The following LEF1 variants were observed in gnomAD, a reference collection of about 807,000 sequenced individuals.
The protein encoded by LEF1 is lymphoid enhancer-binding factor 1.
Under a neutral mutation model 51.2 loss-of-function variants are expected in LEF1, and 14 were observed. The observed-to-expected ratio is 0.27, with a 90% CI of 0.18 to 0.43. The LOEUF (loss-of-function observed/expected upper bound fraction) is 0.43. Ranked by LOEUF, LEF1 falls within the 20% of genes least tolerant of loss-of-function variation. LEF1 has a pLI of 1.00. For synonymous variants in LEF1, 185 were observed against 183.2 expected (o/e 1.01, Z -0.08); for missense variants, 386 against 512.0 (o/e 0.75, Z 2.37).
chr4:108,146,851 T>A (rs1744024560), intron 3 of LEF1, among the ~76,000 whole-genome samples: 1 of 152,168 alleles, frequency 6.6e-6, no homozygotes, highest in Admixed American at 6.5e-5. Context: ...TGCAAGTGTG[T>A]TTTCTTTGAG....
At chr4:108,136,563 T>C (rs996627670) in intron 3 of LEF1, among the ~76,000 whole-genome samples, 1 of 151,198 alleles carries the variant, frequency 6.6e-6, no homozygotes, top group African/African-American at 2.4e-5. Flanking sequence ...AGTTCAGCAA[T>C]ACATATGATC....
chr4:108,165,200 ATC>A (rs746862339), intron 1 of LEF1, 37 bp from the exon 2 acceptor site: 1 of 1,589,006 alleles, frequency 6.3e-7, no homozygotes, highest in Non-Finnish European at 8.6e-7. Flanking sequence ...AAGAAAGAAA[ATC>A]ACCTTAGAGT....
intron 3 of LEF1, among the ~76,000 whole-genome samples, chr4:108,117,749 G>A (rs1198133093): frequency 6.6e-6 from 1 of 152,164 alleles, no homozygotes; most frequent in African/African-American, 2.4e-5. Context: ...GATCAGGGTG[G>A]GCGTGAAGGG....
At chr4:108,103,222 C>T (rs1740939063) in intron 3 of LEF1, among the ~76,000 whole-genome samples, 1 of 152,214 alleles carries the variant, frequency 6.6e-6, no homozygotes, top group South Asian at 2.1e-4. Flanking sequence ...AAAATGCTGT[C>T]ATCATCTGTG....
At chr4:108,062,704 G>C (rs143650018) in intron 11 of LEF1, among the ~76,000 whole-genome samples, 1,569 of 152,278 alleles carry the variant, frequency 0.01, 7 homozygotes, top group Middle Eastern at 0.02. Context: ...AATTATTAAC[G>C]TGTATTACAG....
intron 3 of LEF1, among the ~76,000 whole-genome samples, chr4:108,100,206 G>A (rs892134259): frequency 1.3e-5 from 2 of 152,134 alleles, no homozygotes; most frequent in Non-Finnish European, 1.5e-5. Flanking sequence ...AGCAGATTAC[G>A]TAAACTGGGT....
At position 108,099,544 on chromosome 4, in the gene LEF1, G is replaced by GTA. The variant is rs1740620283; in HGVS notation, c.415-10288_415-10287insTA. 1.6e-4 allele frequency among the ~76,000 whole-genome samples: 5 copies of GTA among 32,224 alleles called. No individual in the cohort carries two copies. The South Asian group carries it at 3.2e-3, about 21-fold the overall frequency. 21.1% of individuals were successfully genotyped at this position (32,224 alleles called of 152,430 possible). A position where few individuals can be genotyped will look rare whatever the true frequency, so the allele number is the denominator to read the frequency against. On this transcript the variant is annotated intron_variant, in intron 3 of 11. Transcript: ENST00000265165. ...TATATATATATATATATGTGTATAT[G>GTA]TGTGTGTGTGTATGTGTGTGTGTGT...
chr4:108,111,855 G>C (rs529410938), intron 3 of LEF1, among the ~76,000 whole-genome samples: 1 of 152,218 alleles, frequency 6.6e-6, no homozygotes, highest in Non-Finnish European at 1.5e-5. Flanking sequence ...CCAGTGAGCT[G>C]TGATTGCGCC....
At chr4:108,117,723 G>A (rs1366848993) in intron 3 of LEF1, among the ~76,000 whole-genome samples, 1 of 152,158 alleles carries the variant, frequency 6.6e-6, no homozygotes. Context: ...GGGAGGGGGA[G>A]GAAGAGCAGG....
chr4:108,117,284 T>C (rs901163049), intron 3 of LEF1, among the ~76,000 whole-genome samples: 4 of 152,194 alleles, frequency 2.6e-5, no homozygotes, highest in Non-Finnish European at 5.9e-5. Context: ...ATAATCTAAT[T>C]TACTCGACAT....
At chr4:108,057,667 C>T (rs1737398075) in intron 11 of LEF1, among the ~76,000 whole-genome samples, 2 of 151,958 alleles carry the variant, frequency 1.3e-5, no homozygotes, top group African/African-American at 2.4e-5. Flanking sequence ...AGTTCTCAAC[C>T]CTTAACCACC....
chr4:108,135,036 T>C (rs549635325), intron 3 of LEF1, among the ~76,000 whole-genome samples: 4 of 152,158 alleles, frequency 2.6e-5, no homozygotes, highest in African/African-American at 7.2e-5. Flanking sequence ...AGTGACCAAG[T>C]GAATTGAGAA....
intron 3 of LEF1, among the ~76,000 whole-genome samples, chr4:108,127,763 CAG>C (rs1742637258): frequency 6.6e-6 from 1 of 152,086 alleles, no homozygotes; most frequent in Non-Finnish European, 1.5e-5. Flanking sequence ...AGAGATGCAA[CAG>C]GGGGGTATGT....
At chr4:108,109,931 G>A (rs539297565) in intron 3 of LEF1, among the ~76,000 whole-genome samples, 1 of 152,274 alleles carries the variant, frequency 6.6e-6, no homozygotes, top group East Asian at 1.9e-4. Flanking sequence ...CACCATTAGA[G>A]AACACAGATT....
rs762884918 is a variant in LEF1, at chr4:108,167,729, C to T, written c.39G>A (p.Gly13=). 3.7e-6 allele frequency: 6 copies of T among 1,613,568 alleles called. No individual in the cohort carries two copies. In the East Asian group the frequency reaches 6.7e-5, roughly 18 times the overall value. The change falls in exon 1 of 12, where the codon GGG becomes GGA. Residue 13 remains glycine (G), a synonymous_variant. Transcript: ENST00000265165. The surrounding 1 kb of genome is among the most constrained non-coding windows in gnomAD (Gnocchi z 5.7). The stretch of plus-strand genomic sequence containing the variant: ...CGTCCGTGGCGCAGAGTTCCGGGTC[C>T]CCCCCGCCGCCGCCACCTCCTCCGG... ...QLSGGGGGGG[G]DPELCATDEM...
chr4:108,108,862 T>C, intron 3 of LEF1, among the ~76,000 whole-genome samples: 1 of 152,172 alleles, frequency 6.6e-6, no homozygotes, highest in East Asian at 1.9e-4. Flanking sequence ...TTAATTACAT[T>C]AAAAAGATCT....
intron 3 of LEF1, among the ~76,000 whole-genome samples, chr4:108,089,897 G>A (rs1032767804): frequency 6.6e-6 from 1 of 152,064 alleles, no homozygotes; most frequent in Non-Finnish European, 1.5e-5. Flanking sequence ...GCCCTCCTCA[G>A]TTCATCTTCT....
At chr4:108,147,695 G>A (rs941744229) in intron 3 of LEF1, among the ~76,000 whole-genome samples, 1 of 152,170 alleles carries the variant, frequency 6.6e-6, no homozygotes, top group Non-Finnish European at 1.5e-5. Context: ...TCCCTGCAAT[G>A]AATTCAGACC....
chr4:108,088,350 A>G (rs1236494155), intron 4 of LEF1, among the ~76,000 whole-genome samples: 1 of 152,168 alleles, frequency 6.6e-6, no homozygotes, highest in Non-Finnish European at 1.5e-5. Flanking sequence ...TGAACTTTCA[A>G]AGACCCTGTT....
Sources: allele counts gnomAD v4.1 joint callset (sites outside exome capture counted in the v4.1 genomes callset), GRCh38; gene constraint gnomAD v4.1.1; non-coding constraint Gnocchi (gnomAD v3.1); transcripts MANE v1.5; gene names NCBI Gene and HGNC (gene_info 2026-07-23, HGNC 2026-07-21).